Variants in LRRC4C observed in about 807,000 individuals in gnomAD.
LRRC4C encodes leucine rich repeat containing 4C.
A neutral mutation model predicts 33.6 loss-of-function variants in LRRC4C; 5 were observed. That is an observed-to-expected ratio of 0.15 (90% CI 0.08 to 0.31). The LOEUF (loss-of-function observed/expected upper bound fraction) is 0.31. LRRC4C is among the 10% of genes least tolerant of loss of function. The pLI is 1.00. For missense variants in LRRC4C, 560 were observed against 796.7 expected, an observed-to-expected ratio of 0.70 and a Z score of 3.58; for synonymous variants, 329 against 302.0, an observed-to-expected ratio of 1.09 and a Z score of -0.93.
chr11:41,427,216 A>G (rs1955071864), intron 1 of LRRC4C, among the ~76,000 whole-genome samples: 1 of 151,922 alleles, frequency 6.6e-6, no homozygotes, highest in Non-Finnish European at 1.5e-5. Flanking sequence ...GTGTTCTTAG[A>G]GTTCTGGAAG....
In LRRC4C at chr11:40,116,423, G is replaced by A. The variant is rs182750503; in HGVS notation, c.-42-89C>T. 16 of 1,317,146 alleles carry A rather than the reference G, an allele frequency of 1.2e-5. No homozygotes were observed. The Admixed American group carries it at 2.3e-4, about 19-fold the overall frequency. 81.6% of individuals were successfully genotyped at this position (1,317,146 alleles called of 1,614,324 possible). A position where few individuals can be genotyped will look rare whatever the true frequency, so the allele number is the denominator to read the frequency against. On this transcript the variant is annotated intron_variant, in intron 6 of 6. Transcript: ENST00000528697. Reference sequence around the variant, plus strand: ...GTAATGTCGGTGATATAGTGTATCAGCTAAAGCCATCATGTGTGAGACAAA... The same window carrying A: ...GTAATGTCGGTGATATAGTGTATCAACTAAAGCCATCATGTGTGAGACAAA...
chr11:40,242,082 T>A (rs1029872238), intron 4 of LRRC4C, among the ~76,000 whole-genome samples: 2 of 152,196 alleles, frequency 1.3e-5, no homozygotes, highest in Non-Finnish European at 2.9e-5. Context: ...CCTGGACAAG[T>A]CCTTCAAAAT....
intron 1 of LRRC4C, among the ~76,000 whole-genome samples, chr11:41,085,304 C>A (rs1399399655): frequency 6.6e-6 from 1 of 152,052 alleles, no homozygotes; most frequent in Non-Finnish European, 1.5e-5. Flanking sequence ...GGCTCTCAAG[C>A]TAGGCTGCCC....
intron 1 of LRRC4C, among the ~76,000 whole-genome samples, chr11:40,969,801 T>G (rs1173583883): frequency 3.3e-5 from 5 of 152,228 alleles, no homozygotes; most frequent in Admixed American, 2.0e-4. Context: ...ATTGCAATAT[T>G]TGCTTTATTT....
chr11:41,002,245 A>T (rs1854433496), intron 1 of LRRC4C, among the ~76,000 whole-genome samples: 1 of 152,174 alleles, frequency 6.6e-6, no homozygotes, highest in East Asian at 1.9e-4. Flanking sequence ...CCATAAACTT[A>T]TATTGAGAAG....
At chr11:40,899,417 G>C (rs962476912) in intron 2 of LRRC4C, among the ~76,000 whole-genome samples, 3 of 152,144 alleles carry the variant, frequency 2.0e-5, no homozygotes, top group Non-Finnish European at 4.4e-5. Flanking sequence ...GTGCCCCTTG[G>C]ATTTCCCAGC....
chr11:40,618,275 A>T (rs1962070002), intron 3 of LRRC4C, among the ~76,000 whole-genome samples: 1 of 151,326 alleles, frequency 6.6e-6, no homozygotes, highest in Non-Finnish European at 1.5e-5. Context: ...CAGGAAAGAC[A>T]GCCATATGAT....
chr11:40,426,561 A>G (rs945402100), intron 3 of LRRC4C, among the ~76,000 whole-genome samples: 13 of 152,050 alleles, frequency 8.5e-5, no homozygotes, highest in Non-Finnish European at 4.4e-5. Context: ...GCAGCTACCG[A>G]TCTTCTGGTG....
intron 5 of LRRC4C, among the ~76,000 whole-genome samples, chr11:40,184,614 G>A (rs950729252): frequency 6.6e-6 from 1 of 152,110 alleles, no homozygotes; most frequent in Non-Finnish European, 1.5e-5. Context: ...TCCGAGTGGC[G>A]AAGTCTATGA....
At chr11:41,426,105 A>G (rs1955031575) in intron 1 of LRRC4C, 3 of 152,314 alleles carry the variant, frequency 2.0e-5, no homozygotes, top group Admixed American at 1.3e-4. Context: ...AAGGGACAAG[A>G]TCTGGATGGT....
At chr11:40,832,675 G>GA (rs1952472472) in intron 2 of LRRC4C, among the ~76,000 whole-genome samples, 1 of 151,766 alleles carries the variant, frequency 6.6e-6, no homozygotes, top group South Asian at 2.1e-4. Context: ...ACAACACTTT[G>GA]AAAAAAATCT....
At chr11:41,069,687 T>C (rs1251409348) in intron 1 of LRRC4C, among the ~76,000 whole-genome samples, 1 of 151,794 alleles carries the variant, frequency 6.6e-6, no homozygotes, top group Non-Finnish European at 1.5e-5. Context: ...AGAAAATAAA[T>C]ACCTGGAAAT....
At chr11:40,170,623 T>C (rs1859966848) in intron 5 of LRRC4C, among the ~76,000 whole-genome samples, 1 of 152,228 alleles carries the variant, frequency 6.6e-6, no homozygotes, top group Non-Finnish European at 1.5e-5. Flanking sequence ...AGAATGCTAA[T>C]GTCTTGCTCA....
rs542535692 is a variant in LRRC4C at position 40,831,246 on chromosome 11, C to G, written c.-407+102389G>C. On this transcript the variant is annotated intron_variant, in intron 2 of 6. Coordinates refer to ENST00000528697, the MANE Select transcript of LRRC4C (RefSeq NM_001258419.2). ...TTTCTGAAATTGTTACTTTTGCTCT[C>G]TGGTAAATGCATAAAAGGTGAAGAA... 2.4e-3 allele frequency among the ~76,000 whole-genome samples: 360 copies of G among 152,174 alleles called. 2 individuals are homozygous for G. Among genetic ancestry groups the G allele is most frequent in the Non-Finnish European group, 3.7e-3 (249 of 67,988 alleles).
chr11:41,013,941 T>C (rs1222087857), intron 1 of LRRC4C, among the ~76,000 whole-genome samples: 1 of 152,088 alleles, frequency 6.6e-6, no homozygotes, highest in Non-Finnish European at 1.5e-5. Flanking sequence ...AGAGAACTCA[T>C]TCACTATTGT....
intron 1 of LRRC4C, among the ~76,000 whole-genome samples, chr11:41,266,401 G>T (rs998229594): frequency 6.6e-6 from 1 of 151,938 alleles, no homozygotes; most frequent in African/African-American, 2.4e-5. Context: ...TTTTATGACT[G>T]GAGCTAAAGG....
At chr11:41,192,704 G>A (rs527933314) in intron 1 of LRRC4C, among the ~76,000 whole-genome samples, 16 of 152,104 alleles carry the variant, frequency 1.1e-4, no homozygotes, top group South Asian at 2.1e-4. Context: ...AGGCATACCC[G>A]TAGAGTCAGA....
intron 1 of LRRC4C, among the ~76,000 whole-genome samples, chr11:41,005,370 A>G (rs187660205): frequency 6.6e-6 from 1 of 152,246 alleles, no homozygotes; most frequent in Non-Finnish European, 1.5e-5. Flanking sequence ...TTGGGAGGCC[A>G]AGGTGGGTGG....
intron 4 of LRRC4C, among the ~76,000 whole-genome samples, chr11:40,283,075 G>T (rs1565226898): frequency 6.6e-6 from 1 of 152,224 alleles, no homozygotes; most frequent in African/African-American, 2.4e-5. Context: ...ATGCACAACT[G>T]CAAGGACCAC....
Sources: gnomAD v4.1 joint callset for allele counts (sites outside exome capture counted in the v4.1 genomes callset) on GRCh38, gnomAD v4.1.1 for gene constraint, MANE v1.5 for transcripts, NCBI Gene and HGNC (gene_info 2026-07-23, HGNC 2026-07-21) for gene names.